AK4: variants seen among roughly 807,000 people sequenced by gnomAD.
The protein encoded by AK4 is adenylate kinase 4, mitochondrial.
In AK4, 13 loss-of-function variants were observed where a neutral mutation model predicts 24.6. The ratio of observed to expected loss-of-function variants is 0.53; its 90% CI spans 0.34 to 0.84. AK4 has a LOEUF of 0.84. Among genes scored for constraint, AK4 ranks in the 40% least tolerant of loss-of-function variants. The pLI is 0.01. For synonymous variants in AK4, 88 were observed against 107.0 expected (o/e 0.82, Z 1.10); for missense variants, 192 against 288.2 (o/e 0.67, Z 2.42).
At chr1:65,179,630 A>G (rs979660238) in intron 1 of AK4, among the ~76,000 whole-genome samples, 2 of 151,970 alleles carry the variant, frequency 1.3e-5, no homozygotes, top group South Asian at 2.1e-4. Flanking sequence ...CTTGAACTCA[A>G]GAGTTTGAGA....
At chr1:65,203,529 C>T (rs768986724) in intron 2 of AK4, among the ~76,000 whole-genome samples, 4 of 152,006 alleles carry the variant, frequency 2.6e-5, no homozygotes, top group East Asian at 1.9e-4. Flanking sequence ...CTTGGCCTGG[C>T]GCGATGGCTC....
chr1:65,202,348 G>A (rs1651686802), intron 2 of AK4, among the ~76,000 whole-genome samples: 3 of 152,192 alleles, frequency 2.0e-5, no homozygotes, highest in South Asian at 4.1e-4. Context: ...AGTGAGCTGA[G>A]ATCGCGCCAC....
chr1:65,200,759 C>G (rs1464983465), intron 2 of AK4, among the ~76,000 whole-genome samples: 1 of 151,820 alleles, frequency 6.6e-6, no homozygotes, highest in South Asian at 2.1e-4. Context: ...TGGGGCCTGG[C>G]TCTCCTGATA....
intron 2 of AK4, among the ~76,000 whole-genome samples, chr1:65,199,325 G>A (rs1320825975): frequency 1.3e-5 from 2 of 151,864 alleles, no homozygotes; most frequent in Admixed American, 6.6e-5. Context: ...CGAGGTGGGC[G>A]AGTCACGAGG....
chr1:65,205,489 T>C (rs1651784575), intron 2 of AK4, among the ~76,000 whole-genome samples: 2 of 152,132 alleles, frequency 1.3e-5, no homozygotes, highest in Non-Finnish European at 2.9e-5. Context: ...CTGCCTCAGC[T>C]CTCCAAAGTA....
At chr1:65,197,716 A>G (rs1445546601) in intron 2 of AK4, among the ~76,000 whole-genome samples, 2 of 152,212 alleles carry the variant, frequency 1.3e-5, no homozygotes, top group African/African-American at 2.4e-5. Context: ...AAACTAAACT[A>G]TAGATGCTGG....
At chr1:65,170,340 T>C (rs1650471076) in intron 1 of AK4, among the ~76,000 whole-genome samples, 1 of 151,978 alleles carries the variant, frequency 6.6e-6, no homozygotes, top group African/African-American at 2.4e-5. Context: ...TGCACCCCAG[T>C]CTGGGTGACA....
intron 2 of AK4, among the ~76,000 whole-genome samples, chr1:65,195,005 C>T (rs529509013): frequency 2.0e-4 from 30 of 152,242 alleles, no homozygotes; most frequent in African/African-American, 7.2e-4. Flanking sequence ...CTGTTTTGTG[C>T]TGCTATAACA....
intron 2 of AK4, among the ~76,000 whole-genome samples, chr1:65,195,880 G>A (rs1651453294): frequency 6.6e-6 from 1 of 152,136 alleles, no homozygotes; most frequent in Admixed American, 6.5e-5. Flanking sequence ...GTCAGTTTCA[G>A]TTATGGAATG....
At chr1:65,201,073 T>G (rs1404327805) in intron 2 of AK4, among the ~76,000 whole-genome samples, 1 of 152,222 alleles carries the variant, frequency 6.6e-6, no homozygotes, top group African/African-American at 2.4e-5. Context: ...ATTACAGGTG[T>G]GAGCCACCAG....
chr1:65,208,844 C>T (rs913164003), intron 2 of AK4, among the ~76,000 whole-genome samples: 8 of 152,192 alleles, frequency 5.3e-5, no homozygotes, highest in Non-Finnish European at 1.0e-4. Flanking sequence ...AGCTTGTTGC[C>T]GCAGCACCTC....
intron 2 of AK4, among the ~76,000 whole-genome samples, chr1:65,218,302 G>A (rs919827095): frequency 1.3e-5 from 2 of 152,202 alleles, no homozygotes; most frequent in African/African-American, 4.8e-5. Context: ...AAGTGGAAAT[G>A]GAGGTGATGT....
At chr1:65,171,020 C>T (rs1160635625) in intron 1 of AK4, among the ~76,000 whole-genome samples, 3 of 147,374 alleles carry the variant, frequency 2.0e-5, no homozygotes, top group East Asian at 2.0e-4. Context: ...TGCAGTGGCA[C>T]GATCATGGCT....
intron 1 of AK4, among the ~76,000 whole-genome samples, chr1:65,159,601 A>G (rs1236299062): frequency 6.6e-6 from 1 of 152,086 alleles, no homozygotes; most frequent in Non-Finnish European, 1.5e-5. Context: ...CAGTGAGTCT[A>G]TAGTGAGGCT....
At chr1:65,160,372 A>G (rs1035775777) in intron 1 of AK4, among the ~76,000 whole-genome samples, 3 of 152,190 alleles carry the variant, frequency 2.0e-5, no homozygotes, top group Admixed American at 1.3e-4. Flanking sequence ...GTATTCTCAC[A>G]TGGCAGAAAG....
At chr1:65,225,658 C>A (rs1302799895) in intron 4 of AK4, among the ~76,000 whole-genome samples, 4 of 152,090 alleles carry the variant, frequency 2.6e-5, no homozygotes, top group Non-Finnish European at 5.9e-5. Flanking sequence ...ATTTAGCAAA[C>A]CTTAAGATCA....
chr1:65,193,626 G>A (rs1651378204), intron 2 of AK4, among the ~76,000 whole-genome samples: 1 of 152,148 alleles, frequency 6.6e-6, no homozygotes, highest in African/African-American at 2.4e-5. Flanking sequence ...GTGTGGGAAG[G>A]GATTGGTTCC....
chr1:65,163,452 G>A (rs1650235011), intron 1 of AK4, among the ~76,000 whole-genome samples: 1 of 152,224 alleles, frequency 6.6e-6, no homozygotes, highest in South Asian at 2.1e-4. Context: ...GGCTGGATTG[G>A]TTACAGCTCG....
chr1:65,190,620 A>G, intron 1 of AK4, 90 bp from the exon 2 acceptor site: 1 of 1,440,484 alleles, frequency 6.9e-7, no homozygotes, highest in Admixed American at 2.1e-5. Flanking sequence ...CACATCAGGA[A>G]GGATGGAGAG....
Sources: gnomAD v4.1 joint callset for allele counts (sites outside exome capture counted in the v4.1 genomes callset) on GRCh38, gnomAD v4.1.1 for gene constraint, MANE v1.5 for transcripts, NCBI Gene and HGNC (gene_info 2026-07-23, HGNC 2026-07-21) for gene names.